Variants in MAP2K1 observed in about 807,000 individuals in gnomAD.
MAP2K1 encodes the protein dual specificity mitogen-activated protein kinase kinase 1.
MAP2K1 carries 16 observed loss-of-function variants against 46.3 expected under a neutral mutation model. The observed-to-expected ratio is 0.35, with a 90% CI of 0.23 to 0.52. MAP2K1 has a LOEUF of 0.52. Ranked by LOEUF, MAP2K1 falls within the 20% of genes least tolerant of loss-of-function variation. MAP2K1 has a pLI of 0.94. For missense variants in MAP2K1, 263 were observed against 497.1 expected, an observed-to-expected ratio of 0.53 and a Z score of 4.48; for synonymous variants, 183 against 185.6, an observed-to-expected ratio of 0.99 and a Z score of 0.11.
chr15:66,465,145 A>C (rs1330681138), intron 5 of MAP2K1, among the ~76,000 whole-genome samples: 1 of 152,034 alleles, frequency 6.6e-6, no homozygotes, highest in African/African-American at 2.4e-5. Context: ...GAATCCTTGA[A>C]ACTGGGAGGC....
chr15:66,392,785 T>G (rs2093359735), intron 1 of MAP2K1, among the ~76,000 whole-genome samples: 1 of 152,160 alleles, frequency 6.6e-6, no homozygotes. Flanking sequence ...ACTCCTGACC[T>G]CAGATGATCC....
intron 1 of MAP2K1, 109 bp from the exon 2 acceptor site, chr15:66,434,918 G>T: frequency 1.2e-6 from 1 of 828,302 alleles, no homozygotes; most frequent in Non-Finnish European, 2.1e-6. Context: ...CTCCCACTTT[G>T]ATTATCTGTC....
At chr15:66,426,736 C>G (rs1046014473) in intron 1 of MAP2K1, among the ~76,000 whole-genome samples, 5 of 152,212 alleles carry the variant, frequency 3.3e-5, no homozygotes, top group African/African-American at 1.2e-4. Flanking sequence ...GACCTGGGTT[C>G]AACTCTAATA....
chr15:66,408,455 A>G (rs1197299757), intron 1 of MAP2K1, among the ~76,000 whole-genome samples: 2 of 152,224 alleles, frequency 1.3e-5, no homozygotes, highest in African/African-American at 4.8e-5. Flanking sequence ...TAGGGCAGCC[A>G]TCTGCCTGAC....
Position 66,420,759 on chromosome 15 carries a change from G to GTGTGTGTGTGTATA in MAP2K1, c.81-14267_81-14266insGTGTGTGTGTATAT, listed in dbSNP as rs1252003697. 8.5e-4 allele frequency among the ~76,000 whole-genome samples: 34 copies of GTGTGTGTGTGTATA among 40,088 alleles called. 1 individual carries two copies. The highest frequency in any genetic ancestry group is 1.2e-3 in the East Asian group (2 of 1,708). The allele number at this position is 40,088 out of a possible 152,430, so 26.3% of individuals were successfully genotyped here. A position where few individuals can be genotyped will look rare whatever the true frequency, so the allele number is the denominator to read the frequency against. On this transcript the variant is annotated intron_variant, in intron 1 of 10. Coordinates refer to ENST00000307102, the MANE Select transcript of MAP2K1 (RefSeq NM_002755.4). ...TGTGTGTGTGTGTGTGTGTGTGTGT[G>GTGTGTGTGTGTATA]TATGTGTGTATATATATGTGTATAT...
chr15:66,430,327 C>G (rs2093472144), intron 1 of MAP2K1, among the ~76,000 whole-genome samples: 1 of 152,164 alleles, frequency 6.6e-6, no homozygotes, highest in Admixed American at 6.5e-5. Context: ...GGGACCCTTC[C>G]TCTCCTTCCT....
intron 7 of MAP2K1, among the ~76,000 whole-genome samples, chr15:66,486,087 G>C (rs1893032837): frequency 1.3e-5 from 2 of 152,136 alleles, no homozygotes; most frequent in Admixed American, 1.3e-4. Flanking sequence ...TTTTTGTATA[G>C]ATGAGGTCTC....
chr15:66,489,797 T>G, intron 10 of MAP2K1, 34 bp downstream of exon 10: 1 of 1,556,136 alleles, frequency 6.4e-7, no homozygotes, highest in Non-Finnish European at 8.9e-7. Context: ...TTACAGTACC[T>G]GTTTATTCAT....
intron 3 of MAP2K1, among the ~76,000 whole-genome samples, chr15:66,437,444 A>G (rs2093491337): frequency 6.6e-6 from 1 of 152,188 alleles, no homozygotes; most frequent in South Asian, 2.1e-4. Flanking sequence ...CTTCAGATAT[A>G]AGTCTTCCAA....
intron 9 of MAP2K1, 200 bp downstream of exon 9, chr15:66,489,476 A>T (rs1226321860): frequency 1.5e-6 from 1 of 671,104 alleles, no homozygotes; most frequent in African/African-American, 1.8e-5. Context: ...TCATGGATGT[A>T]GTAGCTGCTC....
intron 5 of MAP2K1, among the ~76,000 whole-genome samples, chr15:66,470,094 G>GTTTTTTTTTTTTTTTTT (rs55637393): frequency 1.3e-5 from 1 of 76,602 alleles, no homozygotes; most frequent in Non-Finnish European, 2.4e-5. Flanking sequence ...TTTTTTTCTT[G>GTTTTTTTTTTTTTTTTT]TTTTTTTTTT....
At chr15:66,408,749 C>T (rs1595844375) in intron 1 of MAP2K1, among the ~76,000 whole-genome samples, 1 of 152,156 alleles carries the variant, frequency 6.6e-6, no homozygotes, top group Admixed American at 6.5e-5. Flanking sequence ...ACTGGGGATT[C>T]CCGTCTCCAC....
intron 1 of MAP2K1, among the ~76,000 whole-genome samples, chr15:66,396,811 A>G: frequency 6.6e-6 from 1 of 150,690 alleles, no homozygotes; most frequent in South Asian, 2.1e-4. Context: ...CAGCCTCCCA[A>G]GTAGCTATGA....
chr15:66,403,386 G>C (rs1225838692), intron 1 of MAP2K1, among the ~76,000 whole-genome samples: 1 of 152,170 alleles, frequency 6.6e-6, no homozygotes, highest in Non-Finnish European at 1.5e-5. Flanking sequence ...TGGGGTTGGG[G>C]CTGGGACAGG....
At chr15:66,446,379 CA>C (rs1359118406) in intron 5 of MAP2K1, 2 of 153,586 alleles carry the variant, frequency 1.3e-5, no homozygotes, top group Non-Finnish European at 2.9e-5. Context: ...GCGGAGCTTG[CA>C]GCGAGCAGAG....
chr15:66,428,156 G>C (rs999260953), intron 1 of MAP2K1, among the ~76,000 whole-genome samples: 5 of 151,904 alleles, frequency 3.3e-5, no homozygotes, highest in African/African-American at 1.2e-4. Context: ...CTCAGAAACC[G>C]AACACACCAT....
chr15:66,455,988 G>A (rs1892156952), intron 5 of MAP2K1, among the ~76,000 whole-genome samples: 1 of 152,230 alleles, frequency 6.6e-6, no homozygotes, highest in African/African-American at 2.4e-5. Flanking sequence ...CCTTTGGGGA[G>A]TGTTAAGTTT....
intron 5 of MAP2K1, among the ~76,000 whole-genome samples, chr15:66,473,328 A>C (rs1162382290): frequency 6.6e-6 from 1 of 152,182 alleles, no homozygotes; most frequent in South Asian, 2.1e-4. Context: ...TAATCCCAGC[A>C]CTTTGGGAGG....
Position 66,481,855 on chromosome 15 carries a change from C to T in MAP2K1, c.669C>T (p.Phe223=), listed in dbSNP as rs1419207514. 6 of 1,614,056 alleles carry T rather than the reference C, an allele frequency of 3.7e-6. No homozygotes were observed. Among genetic ancestry groups the T allele is most frequent in the East Asian group, 4.5e-5 (2 of 44,886 alleles). The change falls in exon 6 of 11, where the codon TTC becomes TTT. Residue 223 remains phenylalanine (F), a synonymous_variant. Coordinates refer to ENST00000307102, the MANE Select transcript of MAP2K1 (RefSeq NM_002755.4). ...TCATCGACTCCATGGCCAACTCCTTCGTGGGCACAAGGTCCTACATGTCGG... is the reference window on the plus strand; with the variant it reads ...TCATCGACTCCATGGCCAACTCCTTTGTGGGCACAAGGTCCTACATGTCGG... ...GQLIDSMANS[F]VGTRSYMSPE... is the part of the protein sequence containing the mutation.
Sources: allele counts gnomAD v4.1 joint callset (sites outside exome capture counted in the v4.1 genomes callset), GRCh38; gene constraint gnomAD v4.1.1; transcripts MANE v1.5; gene names NCBI Gene and HGNC (gene_info 2026-07-23, HGNC 2026-07-21).